DIP2B: variants seen among roughly 807,000 people sequenced by gnomAD.
The protein encoded by DIP2B is DIP2 acetate--CoA ligase B (putative).
In DIP2B, 76 loss-of-function variants were observed where a neutral mutation model predicts 198.0. The ratio of observed to expected loss-of-function variants is 0.38; its 90% confidence interval spans 0.32 to 0.46. The LOEUF (loss-of-function observed/expected upper bound fraction) is 0.46, where lower values mean the gene tolerates loss of function less well. Ranked by LOEUF, DIP2B falls within the 20% of genes least tolerant of loss-of-function variation. The pLI, the probability that DIP2B is intolerant of heterozygous loss-of-function variation, is 0.99. For missense variants in DIP2B, 1,559 were observed against 1,978.4 expected, an observed-to-expected ratio of 0.79 and a Z score of 4.02; for synonymous variants, 701 against 739.1, an observed-to-expected ratio of 0.95 and a Z score of 0.84.
At chr12:50,597,253 CTATT>C (rs1712954356) in intron 1 of DIP2B, among the ~76,000 whole-genome samples, 2 of 152,122 alleles carry the variant, frequency 1.3e-5, no homozygotes, top group Non-Finnish European at 2.9e-5. Context: ...AATGGGGAAA[CTATT>C]AATTATTTGA....
intron 1 of DIP2B, among the ~76,000 whole-genome samples, chr12:50,539,727 C>T (rs1393488190): frequency 6.6e-6 from 1 of 152,036 alleles, no homozygotes; most frequent in Non-Finnish European, 1.5e-5. Context: ...TCTGAAGGCC[C>T]CGTGGGCCTC....
chr12:50,695,071 G>A (rs139824701), intron 14 of DIP2B, among the ~76,000 whole-genome samples, 196 bp from the exon 15 acceptor site: 1 of 152,122 alleles, frequency 6.6e-6, no homozygotes, highest in Non-Finnish European at 1.5e-5. Flanking sequence ...CTCTGGCGAG[G>A]AGAGGAGGGA....
At position 50,723,284 on chromosome 12, in the gene DIP2B, C is replaced by G; in HGVS notation, c.3249C>G (p.Asn1083Lys). The G allele has an allele frequency of 6.2e-7, 1 of 1,614,184 alleles. No individual in the cohort carries two copies. Among genetic ancestry groups the G allele is most frequent in the East Asian group, 2.2e-5 (1 of 44,888 alleles). The change falls in exon 27 of 38, where the codon AAC (asparagine) becomes AAG (lysine). Residue 1083 changes from asparagine (N) to lysine (K), a missense_variant. By Grantham distance (94) the Asn-to-Lys change is moderately conservative. Coordinates refer to ENST00000301180, the MANE Select transcript of DIP2B (RefSeq NM_173602.3). Reference sequence around the variant, plus strand: ...CCGTCAGACCTCCACATGCTCAGAACCTCACGGCCACGCTGCCCACTGTCC... The same window carrying G: ...CCGTCAGACCTCCACATGCTCAGAAGCTCACGGCCACGCTGCCCACTGTCC... ...PVTVRPPHAQ[N>K]LTATLPTVRM... is the part of the protein sequence containing the mutation.
chr12:50,579,319 A>G (rs1350450819), intron 1 of DIP2B, among the ~76,000 whole-genome samples: 1 of 151,998 alleles, frequency 6.6e-6, no homozygotes, highest in Non-Finnish European at 1.5e-5. Context: ...AATTTTAGAA[A>G]ACCTGAATCT....
rs1327652400 is a variant in DIP2B at position 50,745,633 on chromosome 12, T to C, written c.*794T>C. The C allele has an allele frequency of 1.3e-5, 2 of 152,626 alleles. No individual in the cohort carries two copies. Among genetic ancestry groups the C allele is most frequent in the African/African-American group, 2.4e-5 (1 of 41,460 alleles). The allele number at this position is 152,626 out of a possible 1,614,324, so 9.5% of individuals were successfully genotyped here. On this transcript the variant is annotated 3_prime_UTR_variant, in exon 38 of 38. Coordinates refer to ENST00000301180, the MANE Select transcript of DIP2B (RefSeq NM_173602.3). ...AGCTGCCTATGTTTCTTTTTAAAGC[T>C]CGCATTCCCAGAATCAGCTTAGGCT...
chr12:50,598,297 A>G (rs1958896026), intron 1 of DIP2B, among the ~76,000 whole-genome samples: 1 of 152,082 alleles, frequency 6.6e-6, no homozygotes, highest in African/African-American at 2.4e-5. Flanking sequence ...GCCTTCTTGA[A>G]TATATATATT....
In DIP2B at chr12:50,721,384, C is replaced by T; in HGVS notation, c.3154C>T (p.Leu1052Phe). The T allele has an allele frequency of 6.2e-7, 1 of 1,614,078 alleles. No individual in the cohort carries two copies. Among genetic ancestry groups the T allele is most frequent in the South Asian group, 1.1e-5 (1 of 91,074 alleles). ...AAATGCAGGAGATAATGTGGTGTTG[C>T]TCTATCCACCTGGTAAGCATTGGAT... ...HLNAGDNVVL[L>F]YPPGIELIAA... The change falls in exon 26 of 38, where the codon CTC becomes TTC. Residue 1052 changes from leucine to phenylalanine, a missense_variant. Leu to Phe is a conservative substitution (Grantham distance 22). Coordinates refer to ENST00000301180, the MANE Select transcript of DIP2B (RefSeq NM_173602.3).
rs1940372605 is a variant in DIP2B, at chr12:50,748,652, GC to G, written c.*3815del. On this transcript the variant is annotated 3_prime_UTR_variant, in exon 38 of 38. Coordinates refer to ENST00000301180, the MANE Select transcript of DIP2B (RefSeq NM_173602.3). ...TTGTCTTGTGTTAATAAATATTGAT[GC>G]CTGATTCTGTTTAATCCTTCACACA... 1 of 152,620 alleles carries G rather than the reference GC, an allele frequency of 6.6e-6. No individual in the cohort carries two copies. Among genetic ancestry groups the G allele is most frequent in the Admixed American group, 6.5e-5 (1 of 15,280 alleles). 9.5% of individuals were successfully genotyped at this position (152,620 alleles called of 1,614,324 possible).
intron 1 of DIP2B, among the ~76,000 whole-genome samples, chr12:50,582,969 G>C (rs1958738801): frequency 6.6e-6 from 1 of 152,066 alleles, no homozygotes; most frequent in Non-Finnish European, 1.5e-5. Context: ...CATTTACCTA[G>C]ATTAGAATTA....
At chr12:50,602,857 CAAAAA>C (rs71086464) in intron 1 of DIP2B, among the ~76,000 whole-genome samples, 1 of 91,496 alleles carries the variant, frequency 1.1e-5, no homozygotes, top group Non-Finnish European at 2.2e-5. Context: ...GACTCTGTCT[CAAAAA>C]AAAAAAAAAA....
Position 50,744,777 on chromosome 12 carries a change from C to T in DIP2B, c.4669C>T (p.His1557Tyr). The change falls in exon 38 of 38, where the codon CAC becomes TAC. Residue 1557 changes from histidine (H) to tyrosine (Y), a missense_variant. Coordinates refer to ENST00000301180, the MANE Select transcript of DIP2B (RefSeq NM_173602.3). ...INSRGEKQRM[H>Y]LRDSFLADQL... ...CTCCAGAGGAGAGAAGCAGAGGATGCACCTCCGTGATAGCTTCCTAGCTGA... is the reference window on the plus strand; with the variant it reads ...CTCCAGAGGAGAGAAGCAGAGGATGTACCTCCGTGATAGCTTCCTAGCTGA... The T allele has an allele frequency of 6.2e-7, 1 of 1,614,178 alleles. No individual in the cohort carries two copies.
chr12:50,526,916 G>T (rs1336717605), intron 1 of DIP2B, among the ~76,000 whole-genome samples: 1 of 152,082 alleles, frequency 6.6e-6, no homozygotes, highest in Non-Finnish European at 1.5e-5. Context: ...GATTACAGGC[G>T]TGAGCCACTG....
intron 1 of DIP2B, among the ~76,000 whole-genome samples, chr12:50,565,236 A>G (rs1958553455): frequency 6.6e-6 from 1 of 151,770 alleles, no homozygotes; most frequent in African/African-American, 2.4e-5. Context: ...GGCTCAAATG[A>G]TCTGCCTGCC....
At chr12:50,527,244 A>C (rs1294158071) in intron 1 of DIP2B, among the ~76,000 whole-genome samples, 1 of 152,228 alleles carries the variant, frequency 6.6e-6, no homozygotes, top group Non-Finnish European at 1.5e-5. Flanking sequence ...TAGTTTATGC[A>C]AACAGTGTGG....
At chr12:50,563,684 T>C (rs1414672964) in intron 1 of DIP2B, among the ~76,000 whole-genome samples, 1 of 151,342 alleles carries the variant, frequency 6.6e-6, no homozygotes, top group Non-Finnish European at 1.5e-5. Context: ...TTTATGGGTA[T>C]GGGGTGTCAC....
At chr12:50,729,664 T>A (rs1940001326) in intron 30 of DIP2B, among the ~76,000 whole-genome samples, 1 of 152,108 alleles carries the variant, frequency 6.6e-6, no homozygotes, top group Non-Finnish European at 1.5e-5. Flanking sequence ...TGATAGTTCT[T>A]CCTGTGATGG....
rs774392599 is a variant in DIP2B, at chr12:50,678,734, G to C, written c.972G>C (p.Val324=). 6 of 1,614,210 alleles carry C rather than the reference G, an allele frequency of 3.7e-6. No homozygotes were observed. In the South Asian group the frequency reaches 6.6e-5, roughly 18 times the overall value. The part of the protein sequence containing the change: ...PKPEGRQMTP[V]KGEPLGVICN... ...CGGAGGGACGGCAGATGACCCCTGT[G>C]AAAGGAGAGCCTTTAGGAGTCATCT... is the stretch of plus-strand genomic sequence containing the variant. The change falls in exon 8 of 38, where the codon GTG becomes GTC. Residue 324 remains valine (V), a synonymous_variant. Coordinates refer to ENST00000301180, the MANE Select transcript of DIP2B (RefSeq NM_173602.3).
At chr12:50,580,297 A>G (rs1341497389) in intron 1 of DIP2B, among the ~76,000 whole-genome samples, 1 of 148,662 alleles carries the variant, frequency 6.7e-6, no homozygotes, top group Non-Finnish European at 1.5e-5. Context: ...GATTCATTCT[A>G]ATTATCTCCA....
intron 34 of DIP2B, among the ~76,000 whole-genome samples, chr12:50,736,630 T>C (rs1940143318): frequency 6.6e-6 from 1 of 152,206 alleles, no homozygotes. Flanking sequence ...TGGAGTGACT[T>C]AGGCTGTCCC....
Sources: allele counts gnomAD v4.1 joint callset (sites outside exome capture counted in the v4.1 genomes callset), GRCh38; gene constraint gnomAD v4.1.1; transcripts MANE v1.5; gene names NCBI Gene and HGNC (gene_info 2026-07-23, HGNC 2026-07-21).